Variants in SIAH3 observed in about 807,000 individuals in gnomAD.
SIAH3 encodes the protein seven in absentia homolog 3.
Under a neutral mutation model 12.6 loss-of-function variants are expected in SIAH3, and 9 were observed. The ratio of observed to expected loss-of-function variants is 0.72; its 90% CI spans 0.43 to 1.25. SIAH3 has a LOEUF of 1.25. Among genes scored for constraint, SIAH3 ranks in the 50% most tolerant of loss-of-function variants. The pLI is 0.00. For missense variants in SIAH3, 390 were observed against 365.4 expected, an observed-to-expected ratio of 1.07 and a Z score of -0.55; for synonymous variants, 154 against 151.1, an observed-to-expected ratio of 1.02 and a Z score of -0.14.
chr13:45,795,403 TA>T (rs778016493), intron 1 of SIAH3, among the ~76,000 whole-genome samples: 26 of 152,328 alleles, frequency 1.7e-4, no homozygotes, highest in Non-Finnish European at 3.4e-4. Context: ...TGACACCAGG[TA>T]GGTGATACTT....
At chr13:45,831,179 A>AAAATAAATAAATAAATAAATAAAT (rs200362215) in intron 1 of SIAH3, among the ~76,000 whole-genome samples, 1 of 142,578 alleles carries the variant, frequency 7.0e-6, no homozygotes, top group Admixed American at 7.1e-5. Flanking sequence ...ACTGTGCCTC[A>AAAATAAATAAATAAATAAATAAAT]AAATAAATAA....
chr13:45,783,463 G>A lies in SIAH3; in HGVS notation c.730C>T (p.Leu244Phe). The A allele has an allele frequency of 6.2e-7, 1 of 1,614,132 alleles. No homozygotes were observed. ...CLVLNTSLAQ[L>F]FSDNGSLAIG... is the part of the protein sequence containing the mutation. ...GCAAGGCTGCCGTTGTCAGAGAAGA[G>A]CTGTGCCAGCGAGGTGTTGAGGACG... Residue 244 changes from leucine to phenylalanine, a missense_variant, in exon 2 of 2, where the codon CTC becomes TTC. Coordinates refer to ENST00000400405, the MANE Select transcript of SIAH3 (RefSeq NM_198849.3).
At chr13:45,849,788 T>C (rs900733678) in intron 1 of SIAH3, among the ~76,000 whole-genome samples, 5 of 152,194 alleles carry the variant, frequency 3.3e-5, no homozygotes, top group African/African-American at 1.2e-4. Context: ...CAATGAACCA[T>C]ATAAATGCAA....
chr13:45,801,148 G>A (rs927179901), intron 1 of SIAH3, among the ~76,000 whole-genome samples: 1 of 151,972 alleles, frequency 6.6e-6, no homozygotes, highest in African/African-American at 2.4e-5. Flanking sequence ...GAGTTCGCCA[G>A]CGCCTGACAT....
chr13:45,807,462 G>C (rs187223162), intron 1 of SIAH3, among the ~76,000 whole-genome samples: 1 of 152,256 alleles, frequency 6.6e-6, no homozygotes, highest in East Asian at 1.9e-4. Flanking sequence ...CAGATTGTTA[G>C]AACAGCACAG....
At chr13:45,800,507 T>C (rs1429984971) in intron 1 of SIAH3, among the ~76,000 whole-genome samples, 1 of 152,228 alleles carries the variant, frequency 6.6e-6, no homozygotes, top group Non-Finnish European at 1.5e-5. Context: ...AGAGTCACTG[T>C]GTCGATTTCT....
At chr13:45,825,397 T>C (rs1363978778) in intron 1 of SIAH3, among the ~76,000 whole-genome samples, 1 of 152,176 alleles carries the variant, frequency 6.6e-6, no homozygotes, top group Non-Finnish European at 1.5e-5. Flanking sequence ...CGTTAACAGA[T>C]GGGAATGTGG....
At chr13:45,824,146 C>T (rs1471211610) in intron 1 of SIAH3, among the ~76,000 whole-genome samples, 2 of 152,202 alleles carry the variant, frequency 1.3e-5, no homozygotes, top group Non-Finnish European at 2.9e-5. Flanking sequence ...ACCCGTTTTA[C>T]ATACTAGGCA....
chr13:45,813,228 G>A lies in SIAH3; in HGVS notation c.136-29171C>T, dbSNP rs145600552. Reference sequence around the variant, plus strand: ...GAGTCCCGGACCCAGTGGGAACATGGTGAGCCTATATCAGTACTGAGTCCT... The same window carrying A: ...GAGTCCCGGACCCAGTGGGAACATGATGAGCCTATATCAGTACTGAGTCCT... On this transcript the variant is annotated intron_variant, in intron 1 of 1. Transcript: ENST00000400405. Among the ~76,000 whole-genome samples the A allele has an allele frequency of 4.9e-3, 746 of 150,814 alleles. 9 individuals carry two copies. The highest frequency in any genetic ancestry group is 0.018 in the African/African-American group (711 of 40,152).
chr13:45,824,835 G>A (rs938432122), intron 1 of SIAH3, among the ~76,000 whole-genome samples: 7 of 150,026 alleles, frequency 4.7e-5, no homozygotes, highest in South Asian at 2.1e-4. Flanking sequence ...ACGAGATTGC[G>A]CCACTGCACT....
chr13:45,835,654 T>C (rs1593387511), intron 1 of SIAH3, among the ~76,000 whole-genome samples: 2 of 152,272 alleles, frequency 1.3e-5, no homozygotes, highest in Non-Finnish European at 1.5e-5. Context: ...TGAACCCAGG[T>C]AGTGTGACTC....
At chr13:45,784,597 C>G (rs1593374065) in intron 1 of SIAH3, among the ~76,000 whole-genome samples, 1 of 152,118 alleles carries the variant, frequency 6.6e-6, no homozygotes, top group South Asian at 2.1e-4. Flanking sequence ...CCTAAGGCAT[C>G]TGGTGGGATG....
In SIAH3 at chr13:45,803,869, G is replaced by A. The variant is rs573677832; in HGVS notation, c.136-19812C>T. Among the ~76,000 whole-genome samples the A allele has an allele frequency of 3.3e-5, 5 of 152,234 alleles. No homozygotes were observed. The South Asian group carries it at 8.3e-4, about 25-fold the overall frequency. ...AGGATTTTAAGGGGGATATGGACAA[G>A]GATGACATAAGAAAACTCCTAATAA... On this transcript the variant is annotated intron_variant, in intron 1 of 1. Transcript: ENST00000400405.
In SIAH3 at chr13:45,777,465, T is replaced by G. The variant is rs1331773111; in HGVS notation, c.*5918A>C. The G allele has an allele frequency of 6.6e-6, 1 of 152,222 alleles. No homozygotes were observed. Among genetic ancestry groups the G allele is most frequent in the Non-Finnish European group, 1.5e-5 (1 of 68,034 alleles). The allele number at this position is 152,222 out of a possible 1,614,324, so 9.4% of individuals were successfully genotyped here. On this transcript the variant is annotated 3_prime_UTR_variant, in exon 2 of 2. Coordinates refer to ENST00000400405, the MANE Select transcript of SIAH3 (RefSeq NM_198849.3). ...ACTGAAAAAGGTTGAGGAGTATTTA[T>G]AGTATAGTAGCCAAGGTGAAATACT...
rs772875873 is a variant in SIAH3 at position 45,783,964 on chromosome 13, G to A, written c.229C>T (p.His77Tyr). The A allele has an allele frequency of 1.2e-6, 2 of 1,605,662 alleles. No individual in the cohort carries two copies. Among genetic ancestry groups the A allele is most frequent in the South Asian group, 1.1e-5 (1 of 88,998 alleles). The stretch of plus-strand genomic sequence containing the variant: ...GCGTGGTGGCGGAGGTGGTGGTGGT[G>A]GCGGTGGTGGCAGTGGTGGTGGGAG... ...HLSHHHCHHR[H>Y]HHHLRHHAHP... The change falls in exon 2 of 2, where the codon CAC becomes TAC. Residue 77 changes from histidine to tyrosine, a missense_variant. Transcript: ENST00000400405.
Position 45,843,030 on chromosome 13 carries a change from C to CTGTGTGTGTGTGTGTGTGTGTG in SIAH3, c.135+8464_135+8465insCACACACACACACACACACACA, listed in dbSNP as rs1236849648. ...GAATTGCCATTATTTCTCTCTCTCTCTCTCTGTGTGTGTGTGTGTGTGTGT... is the reference window on the plus strand; with the variant it reads ...GAATTGCCATTATTTCTCTCTCTCTCTGTGTGTGTGTGTGTGTGTGTGTCTCTGTGTGTGTGTGTGTGTGTGT... On this transcript the variant is annotated intron_variant, in intron 1 of 1. Coordinates refer to ENST00000400405, the MANE Select transcript of SIAH3 (RefSeq NM_198849.3). 7.6e-4 allele frequency among the ~76,000 whole-genome samples: 49 copies of CTGTGTGTGTGTGTGTGTGTGTG among 64,514 alleles called. No individual in the cohort carries two copies. In the East Asian group the frequency reaches 0.018, roughly 23 times the overall value. The allele number at this position is 64,514 out of a possible 152,430, so 42.3% of individuals were successfully genotyped here.
At chr13:45,807,992 G>A (rs1950603639) in intron 1 of SIAH3, among the ~76,000 whole-genome samples, 1 of 152,048 alleles carries the variant, frequency 6.6e-6, no homozygotes, top group Non-Finnish European at 1.5e-5. Flanking sequence ...TGTTCTTGAG[G>A]TTGCTTACAT....
At chr13:45,804,272 A>G (rs1950591647) in intron 1 of SIAH3, among the ~76,000 whole-genome samples, 1 of 152,130 alleles carries the variant, frequency 6.6e-6, no homozygotes, top group African/African-American at 2.4e-5. Context: ...TACATGCTAC[A>G]ACATAGATAA....
Position 45,783,740 on chromosome 13 carries a change from G to A in SIAH3, c.453C>T (p.Pro151=), listed in dbSNP as rs763997823. Residue 151 remains proline, a synonymous_variant, in exon 2 of 2, where the codon CCC becomes CCT. Transcript: ENST00000400405. ...IVFLATDMHL[P]APADWIIMHS... is the part of the protein sequence containing the mutation. ...GCATGATGATCCAATCAGCCGGCGCGGGGAGGTGCATGTCCGTGGCCAGGA... is the reference window on the plus strand; with the variant it reads ...GCATGATGATCCAATCAGCCGGCGCAGGGAGGTGCATGTCCGTGGCCAGGA... The A allele has an allele frequency of 1.4e-5, 22 of 1,614,154 alleles. No homozygotes were observed. Among genetic ancestry groups the A allele is most frequent in the Non-Finnish European group, 1.5e-5 (18 of 1,180,016 alleles).
Sources: gnomAD v4.1 joint callset for allele counts (sites outside exome capture counted in the v4.1 genomes callset) on GRCh38, gnomAD v4.1.1 for gene constraint, MANE v1.5 for transcripts, NCBI Gene and HGNC (gene_info 2026-07-23, HGNC 2026-07-21) for gene names.